The following FAM131B variants were observed in gnomAD, a reference collection of about 807,000 sequenced individuals.
The protein encoded by FAM131B is family with sequence similarity 131 member B, also known as protein FAM131B.
Under a neutral mutation model 42.0 loss-of-function variants are expected in FAM131B, and 19 were observed. That is an observed-to-expected ratio of 0.45 (90% CI 0.32 to 0.66). The LOEUF (loss-of-function observed/expected upper bound fraction) is 0.66. FAM131B is among the 30% of genes least tolerant of loss of function. The pLI, the probability that FAM131B is intolerant of heterozygous loss-of-function variation, is 0.05. For synonymous variants in FAM131B, 183 were observed against 177.6 expected (o/e 1.03, Z -0.24); for missense variants, 370 against 468.4 (o/e 0.79, Z 1.94).
chr7:143,365,385 A>G (rs562768021), upstream of FAM131B, among the ~76,000 whole-genome samples: 11 of 152,332 alleles, frequency 7.2e-5, no homozygotes, highest in Admixed American at 1.3e-4. Flanking sequence ...TCAGAATGAG[A>G]GAGATAGAGA....
At chr7:143,381,284 C>T in the FAM131B span, 5 of 1,076,526 alleles carry the variant, frequency 4.6e-6, no homozygotes, top group South Asian at 8.8e-5. Flanking sequence ...CCTCTCTTCT[C>T]CCTCCCTCCT....
the FAM131B span, chr7:143,380,725 G>A: frequency 3.0e-6 from 3 of 985,460 alleles, no homozygotes; most frequent in Non-Finnish European, 2.4e-6. The surrounding 1 kb of genome is among the most constrained non-coding windows in gnomAD (Gnocchi z 5.0). Flanking sequence ...ACCCCCTCCG[G>A]GCACAGAGTC....
chr7:143,378,582 T>G, the FAM131B span, among the ~76,000 whole-genome samples: 1 of 150,862 alleles, frequency 6.6e-6, no homozygotes, highest in Non-Finnish European at 1.5e-5. Flanking sequence ...TTTTTTTTTT[T>G]TTTTTTTTTG....
chr7:143,369,572 G>A, the FAM131B span, among the ~76,000 whole-genome samples: 20 of 151,962 alleles, frequency 1.3e-4, no homozygotes, highest in Non-Finnish European at 2.5e-4. Flanking sequence ...CTACTCGGGA[G>A]GCTGAGGCAG....
rs1803723149 is a variant in FAM131B, at chr7:143,357,497, C to T, written c.467-74G>A. 5 of 1,320,012 alleles carry T rather than the reference C, an allele frequency of 3.8e-6. No homozygotes were observed. The South Asian group carries it at 4.1e-5, about 11-fold the overall frequency. 81.8% of individuals were successfully genotyped at this position (1,320,012 alleles called of 1,614,324 possible). On this transcript the variant is annotated intron_variant, in intron 5 of 6. Coordinates refer to ENST00000443739, the MANE Select transcript of FAM131B (RefSeq NM_001031690.3). ...ACATGTGCGTGGGGTAGGAAAACAT[C>T]TTAGTGCAGCACTGTTCAGTAGAAA...
In FAM131B at chr7:143,355,487, G is replaced by A. The variant is rs1803609124; in HGVS notation, c.*1063C>T. The A allele has an allele frequency of 6.6e-6, 1 of 152,606 alleles. No individual in the cohort carries two copies. Among genetic ancestry groups the A allele is most frequent in the Non-Finnish European group, 1.5e-5 (1 of 68,096 alleles). 9.5% of individuals were successfully genotyped at this position (152,606 alleles called of 1,614,324 possible). On this transcript the variant is annotated 3_prime_UTR_variant, in exon 7 of 7. Coordinates refer to ENST00000443739, the MANE Select transcript of FAM131B (RefSeq NM_001031690.3). This position sits in a 1 kb window ranked among gnomAD's most constrained non-coding sequence, Gnocchi z 4.1. ...TCAGCTGCAACCCTGCCTGGCTGAG[G>A]GAGTGACAGCACCGGACTCCTCCCT...
rs1352537699 is a variant in FAM131B at position 143,362,526 on chromosome 7, A to C, written c.28+50T>G. 3.2e-6 allele frequency: 3 copies of C among 938,084 alleles called. No homozygotes were observed. The highest frequency in any genetic ancestry group is 1.8e-5 in the African/African-American group (1 of 56,636). 58.1% of individuals were successfully genotyped at this position (938,084 alleles called of 1,614,324 possible). The stretch of plus-strand genomic sequence containing the variant: ...GGAGAGGGATGGGGGAGGGGGTCGG[A>C]GGGCGGCCCGGGGGGCCCAGCCCTG... On this transcript the variant is annotated intron_variant, in intron 1 of 6. Transcript: ENST00000443739. This position sits in a 1 kb window ranked among gnomAD's most constrained non-coding sequence, Gnocchi z 7.7.
the FAM131B span, chr7:143,381,433 C>A: frequency 2.4e-6 from 3 of 1,265,928 alleles, no homozygotes; most frequent in Non-Finnish European, 3.0e-6. Flanking sequence ...AGCGGCAGGG[C>A]GGCCCCACGG....
chr7:143,377,302 A>C, the FAM131B span, among the ~76,000 whole-genome samples: 1 of 152,368 alleles, frequency 6.6e-6, no homozygotes, highest in East Asian at 1.9e-4. Flanking sequence ...GTGCTATTTT[A>C]CAAAAGCACG....
chr7:143,378,050 C>A, the FAM131B span, among the ~76,000 whole-genome samples: 2 of 152,190 alleles, frequency 1.3e-5, no homozygotes, highest in Non-Finnish European at 2.9e-5. Context: ...AGCATTGCAC[C>A]TCAAACAATA....
chr7:143,364,543 C>T (rs1163977980), upstream of FAM131B, among the ~76,000 whole-genome samples: 2 of 152,146 alleles, frequency 1.3e-5, no homozygotes, highest in Non-Finnish European at 2.9e-5. Context: ...CCTTGGTCTC[C>T]TTAACACAAC....
At chr7:143,362,755 G>T (rs1408423119), upstream of FAM131B, 4 of 268,480 alleles carry the variant, frequency 1.5e-5, no homozygotes, top group Non-Finnish European at 2.5e-5. The surrounding 1 kb of genome is among the most constrained non-coding windows in gnomAD (Gnocchi z 7.7). Flanking sequence ...CCCTCCCCAC[G>T]GCAGCTCCGT....
chr7:143,359,799 C>T lies in FAM131B; in HGVS notation c.139-32G>A, dbSNP rs1259374577. On this transcript the variant is annotated intron_variant, in intron 2 of 6. Transcript: ENST00000443739. This position sits in a 1 kb window ranked among gnomAD's most constrained non-coding sequence, Gnocchi z 5.4. ...GGAGAGAGGAAAGGGAATGGGCATC[C>T]CAGTCACTCGCAGGAATGCAAGGAA... 4 of 1,553,818 alleles carry T rather than the reference C, an allele frequency of 2.6e-6. No homozygotes were observed. In the East Asian group the frequency reaches 7.2e-5, roughly 28 times the overall value.
the FAM131B span, chr7:143,381,542 G>C: frequency 1.3e-6 from 2 of 1,599,102 alleles, no homozygotes; most frequent in East Asian, 4.5e-5. Flanking sequence ...TGCGTAACCC[G>C]GCGACCCACC....
chr7:143,357,088 C>G, intron 6 of FAM131B, 66 bp from the exon 7 acceptor site: 1 of 1,279,188 alleles, frequency 7.8e-7, no homozygotes, highest in Non-Finnish European at 1.1e-6. Context: ...ACAGCACAGA[C>G]AGCACAAGAG....
Position 143,360,097 on chromosome 7 carries a change from G to C in FAM131B, c.81C>G (p.Ile27Met). 6.2e-7 allele frequency: 1 copy of C among 1,614,016 alleles called. No homozygotes were observed. ...GCAGTGAGCTGGTGCTGTCCATGTT[G>C]ATTTGATCGACATCCTTCAGGCCCT... ...DWKGLKDVDQ[I>M]NMDSTSSLHG... The change falls in exon 2 of 7, where the codon ATC becomes ATG. Residue 27 changes from isoleucine to methionine, a missense_variant. Coordinates refer to ENST00000443739, the MANE Select transcript of FAM131B (RefSeq NM_001031690.3).
At chr7:143,368,888 G>C in the FAM131B span, among the ~76,000 whole-genome samples, 1 of 152,122 alleles carries the variant, frequency 6.6e-6, no homozygotes, top group Non-Finnish European at 1.5e-5. Flanking sequence ...ATCCTTTCCT[G>C]CAACTGATCC....
chr7:143,357,065 A>T, intron 6 of FAM131B, 43 bp from the exon 7 acceptor site: 1 of 1,445,978 alleles, frequency 6.9e-7, no homozygotes, highest in Non-Finnish European at 9.7e-7. Flanking sequence ...ACAGAATGTC[A>T]AGGGCAGGAA....
At chr7:143,382,205 G>A in the FAM131B span, 3 of 1,540,694 alleles carry the variant, frequency 1.9e-6, no homozygotes, top group East Asian at 6.7e-5. Flanking sequence ...TTGGGTGAGG[G>A]GTAGAGGGAC....
Sources: allele counts gnomAD v4.1 joint callset (sites outside exome capture counted in the v4.1 genomes callset), GRCh38; gene constraint gnomAD v4.1.1; non-coding constraint Gnocchi (gnomAD v3.1); transcripts MANE v1.5; gene names NCBI Gene and HGNC (gene_info 2026-07-23, HGNC 2026-07-21).